CEP128: variants seen among roughly 807,000 people sequenced by gnomAD.
The protein encoded by CEP128 is centrosomal protein 128kDa.
Under a neutral mutation model 156.7 loss-of-function variants are expected in CEP128, and 132 were observed. The observed-to-expected ratio is 0.84, with a 90% CI of 0.73 to 0.97. The LOEUF is 0.97. CEP128 is among the 50% of genes least tolerant of loss of function. The pLI, the probability that CEP128 is intolerant of heterozygous loss-of-function variation, is 0.00. For synonymous variants in CEP128, 469 were observed against 448.9 expected (o/e 1.04, Z -0.57); for missense variants, 1,252 against 1,281.9 (o/e 0.98, Z 0.36).
intron 13 of CEP128, among the ~76,000 whole-genome samples, chr14:80,794,658 G>A (rs1400434271): frequency 6.6e-6 from 1 of 152,122 alleles, no homozygotes; most frequent in Admixed American, 6.6e-5. Context: ...TATACTTCCT[G>A]TTCATCAAGC....
At chr14:80,510,086 G>A (rs1286040537) in intron 23 of CEP128, among the ~76,000 whole-genome samples, 2 of 152,064 alleles carry the variant, frequency 1.3e-5, no homozygotes, top group African/African-American at 4.8e-5. Context: ...TTTTTGCTCA[G>A]GATGGCTTTG....
At position 80,809,651 on chromosome 14, in the gene CEP128, T is replaced by G. The variant is rs1224536836; in HGVS notation, c.1210-16541A>C. On this transcript the variant is annotated intron_variant, in intron 13 of 24. Transcript: ENST00000555265. Reference sequence around the variant, plus strand: ...CTAATCACTTATAAATGAGCCCACATCAGACTAACGGTGAACTTCTCAGCA... The same window carrying G: ...CTAATCACTTATAAATGAGCCCACAGCAGACTAACGGTGAACTTCTCAGCA... 2.0e-5 allele frequency among the ~76,000 whole-genome samples: 3 copies of G among 152,034 alleles called. No individual in the cohort carries two copies. In the East Asian group the frequency reaches 5.8e-4, roughly 29 times the overall value.
At chr14:80,818,185 A>C (rs1235476759) in intron 13 of CEP128, among the ~76,000 whole-genome samples, 1 of 152,058 alleles carries the variant, frequency 6.6e-6, no homozygotes, top group Non-Finnish European at 1.5e-5. Flanking sequence ...ATGCCTGGCT[A>C]AATTTTGCTT....
intron 13 of CEP128, among the ~76,000 whole-genome samples, chr14:80,818,570 T>A (rs1254159069): frequency 1.3e-5 from 2 of 152,206 alleles, no homozygotes; most frequent in Non-Finnish European, 2.9e-5. Flanking sequence ...CATCTAGAGG[T>A]AGCTCAAGTT....
intron 21 of CEP128, among the ~76,000 whole-genome samples, chr14:80,542,539 G>T (rs577237995): frequency 6.6e-6 from 1 of 152,262 alleles, no homozygotes; most frequent in South Asian, 2.1e-4. Flanking sequence ...AGTATAGACC[G>T]AGTTAAAGAG....
At position 80,777,202 on chromosome 14, in the gene CEP128, T is replaced by C. The variant is rs528117275; in HGVS notation, c.2376+680A>G. Among the ~76,000 whole-genome samples, 121 of 152,254 alleles carry C rather than the reference T, an allele frequency of 7.9e-4. 1 individual carries two copies. The highest frequency in any genetic ancestry group is 2.9e-3 in the African/African-American group (120 of 41,548). On this transcript the variant is annotated intron_variant, in intron 16 of 24. Transcript: ENST00000555265. Reference sequence around the variant, plus strand: ...TGAAACTGAATCTACAATGTGATGATAATTGAGGGTGGGAGGTGATTTGGG... The same window carrying C: ...TGAAACTGAATCTACAATGTGATGACAATTGAGGGTGGGAGGTGATTTGGG...
intron 13 of CEP128, among the ~76,000 whole-genome samples, chr14:80,802,237 C>T (rs938004183): frequency 6.6e-6 from 1 of 152,010 alleles, no homozygotes; most frequent in East Asian, 1.9e-4. Flanking sequence ...TATATGCACA[C>T]GTATGTTTAT....
intron 23 of CEP128, among the ~76,000 whole-genome samples, chr14:80,522,831 TACC>T (rs1888804275): frequency 6.6e-6 from 1 of 152,254 alleles, no homozygotes; most frequent in African/African-American, 2.4e-5. Context: ...TTCTCTTGTC[TACC>T]AAGACAGAGA....
intron 23 of CEP128, among the ~76,000 whole-genome samples, chr14:80,518,940 C>G (rs965470184): frequency 3.9e-5 from 6 of 152,302 alleles, no homozygotes; most frequent in Non-Finnish European, 7.3e-5. Flanking sequence ...GTCATCTCCT[C>G]TAATTCTATA....
At chr14:80,770,542 T>C (rs991941457) in intron 16 of CEP128, among the ~76,000 whole-genome samples, 1 of 152,222 alleles carries the variant, frequency 6.6e-6, no homozygotes, top group African/African-American at 2.4e-5. Flanking sequence ...CTGGGCTTAA[T>C]GGTTACATGT....
At chr14:80,803,209 G>A (rs1883977026) in intron 13 of CEP128, among the ~76,000 whole-genome samples, 1 of 152,128 alleles carries the variant, frequency 6.6e-6, no homozygotes, top group Non-Finnish European at 1.5e-5. Context: ...ATATATATGA[G>A]CCATTCTTTG....
intron 21 of CEP128, among the ~76,000 whole-genome samples, chr14:80,533,556 T>C (rs1164462078): frequency 6.6e-6 from 1 of 152,212 alleles, no homozygotes; most frequent in Non-Finnish European, 1.5e-5. Context: ...TTGACAATTA[T>C]ATGATGGTTT....
chr14:80,654,544 G>A (rs1317990002), intron 19 of CEP128, among the ~76,000 whole-genome samples: 3 of 152,058 alleles, frequency 2.0e-5, no homozygotes, highest in East Asian at 1.9e-4. Context: ...AGTAAGTAGC[G>A]CTTGATGGTC....
chr14:80,826,452 T>C (rs1885485847), intron 13 of CEP128, among the ~76,000 whole-genome samples: 1 of 152,108 alleles, frequency 6.6e-6, no homozygotes, highest in African/African-American at 2.4e-5. Context: ...AGACCTTTGG[T>C]CTCCAAAAAG....
chr14:80,584,257 C>T (rs1891718769), intron 19 of CEP128, among the ~76,000 whole-genome samples: 1 of 151,394 alleles, frequency 6.6e-6, no homozygotes, highest in African/African-American at 2.4e-5. Context: ...AGCGATTCTC[C>T]TGCCTCAGCC....
intron 20 of CEP128, among the ~76,000 whole-genome samples, chr14:80,560,095 G>A (rs528322313): frequency 3.6e-4 from 55 of 152,264 alleles, no homozygotes; most frequent in East Asian, 5.8e-4. Flanking sequence ...TTTTTGAGGT[G>A]GACCAAGGCC....
intron 2 of CEP128, among the ~76,000 whole-genome samples, chr14:80,919,468 C>T (rs1884734068): frequency 6.6e-6 from 1 of 152,012 alleles, no homozygotes; most frequent in African/African-American, 2.4e-5. Flanking sequence ...TAGTACCTTC[C>T]AACCACCCCT....
chr14:80,887,611 T>C (rs961922546), intron 8 of CEP128, among the ~76,000 whole-genome samples: 1 of 152,196 alleles, frequency 6.6e-6, no homozygotes, highest in Non-Finnish European at 1.5e-5. Flanking sequence ...CCAGAATGTC[T>C]GGGATACAGC....
At chr14:80,955,778 A>G (rs1886635842) in intron 2 of CEP128, 1 of 1,614,110 alleles carries the variant, frequency 6.2e-7, no homozygotes. Context: ...GAGTGCCATC[A>G]GGAGGAGGAC....
Sources: gnomAD v4.1 joint callset for allele counts (sites outside exome capture counted in the v4.1 genomes callset) on GRCh38, gnomAD v4.1.1 for gene constraint, MANE v1.5 for transcripts, NCBI Gene and HGNC (gene_info 2026-07-23, HGNC 2026-07-21) for gene names.